SAP25: variants seen among roughly 807,000 people sequenced by gnomAD.
SAP25 encodes the protein histone deacetylase complex subunit SAP25.
Under a neutral mutation model 31.5 loss-of-function variants are expected in SAP25, and 24 were observed. The ratio of observed to expected loss-of-function variants is 0.76; its 90% confidence interval spans 0.55 to 1.07. The LOEUF (loss-of-function observed/expected upper bound fraction) is 1.07. Among genes scored for constraint, SAP25 ranks in the 50% least tolerant of loss-of-function variants. The pLI is 0.00. For missense variants in SAP25, 377 were observed against 418.8 expected, an observed-to-expected ratio of 0.90 and a Z score of 0.87; for synonymous variants, 180 against 186.0, an observed-to-expected ratio of 0.97 and a Z score of 0.26.
Position 100,573,895 on chromosome 7 carries a change from C to T in SAP25, c.-153G>A. On this transcript the variant is annotated 5_prime_UTR_variant, in exon 1 of 6. Coordinates refer to ENST00000622764, the MANE Select transcript of SAP25 (RefSeq NM_001348680.2). ...CGCTGGCGCCCTGTGCGTCTCCCGG[C>T]CACGTGGCGCGTGCCCCCGCCGGGC... The T allele has an allele frequency of 1.8e-6, 1 of 555,936 alleles. No individual in the cohort carries two copies. The highest frequency in any genetic ancestry group is 2.4e-6 in the Non-Finnish European group (1 of 414,382). 34.4% of individuals were successfully genotyped at this position (555,936 alleles called of 1,614,324 possible).
rs539485810 is a variant in SAP25, at chr7:100,573,228, G to A, written c.251-16C>T. 2.4e-5 allele frequency: 36 copies of A among 1,471,518 alleles called. No homozygotes were observed. The South Asian group carries it at 3.8e-4, about 15-fold the overall frequency. 91.2% of individuals were successfully genotyped at this position (1,471,518 alleles called of 1,614,324 possible). Reference sequence around the variant, plus strand: ...GAACGGGGATCTGGGGGGACGCTTGGGGATTATAACAGGCTCACAGTCAGT... The same window carrying A: ...GAACGGGGATCTGGGGGGACGCTTGAGGATTATAACAGGCTCACAGTCAGT... On this transcript the variant is annotated splice_polypyrimidine_tract_variant and intron_variant, in intron 2 of 5. Transcript: ENST00000622764.
Position 100,572,965 on chromosome 7 carries a change from G to T in SAP25, c.406C>A (p.His136Asn). The T allele has an allele frequency of 6.6e-7, 1 of 1,510,850 alleles. No individual in the cohort carries two copies. The highest frequency in any genetic ancestry group is 8.8e-7 in the Non-Finnish European group (1 of 1,132,996). 93.6% of individuals were successfully genotyped at this position (1,510,850 alleles called of 1,614,324 possible). A position where few individuals can be genotyped will look rare whatever the true frequency, so the allele number is the denominator to read the frequency against. ...TCATACAGCGGCCAGAATGAGGGGT[G>T]ACACAGCGTCCGGCCTGAGAACGAG... ...GASFSGRTLC[H>N]PSFWPLYEAA... The change falls in exon 4 of 6, where the codon CAC becomes AAC. Residue 136 changes from histidine to asparagine, a missense_variant. Coordinates refer to ENST00000622764, the MANE Select transcript of SAP25 (RefSeq NM_001348680.2). The surrounding 1 kb of genome is among the most constrained non-coding windows in gnomAD (Gnocchi z 4.1).
Position 100,573,875 on chromosome 7 carries a change from G to T in SAP25, c.-133C>A. 1.4e-6 allele frequency: 1 copy of T among 716,672 alleles called. No homozygotes were observed. Among genetic ancestry groups the T allele is most frequent in the Non-Finnish European group, 1.8e-6 (1 of 555,374 alleles). The allele number at this position is 716,672 out of a possible 1,614,324, so 44.4% of individuals were successfully genotyped here. A position where few individuals can be genotyped will look rare whatever the true frequency, so the allele number is the denominator to read the frequency against. Reference sequence around the variant, plus strand: ...CCCCAGAGGCCTCGCGGCGACGCTGGCGCCCTGTGCGTCTCCCGGCCACGT... The same window carrying T: ...CCCCAGAGGCCTCGCGGCGACGCTGTCGCCCTGTGCGTCTCCCGGCCACGT... On this transcript the variant is annotated 5_prime_UTR_variant, in exon 1 of 6. Coordinates refer to ENST00000622764, the MANE Select transcript of SAP25 (RefSeq NM_001348680.2).
At chr7:100,573,481 G>A in intron 1 of SAP25, 81 bp from the exon 2 acceptor site, 6 of 1,219,244 alleles carry the variant, frequency 4.9e-6, no homozygotes, top group Non-Finnish European at 6.2e-6. Flanking sequence ...TGGTGCAAGG[G>A]AGACCGAGGG....
At chr7:100,573,049 CCACCG>C (rs1801192188) in intron 3 of SAP25, 36 bp from the exon 4 acceptor site, 1 of 1,504,500 alleles carries the variant, frequency 6.6e-7, no homozygotes, top group African/African-American at 1.4e-5. Context: ...GAGCCTCAGG[CCACCG>C]CACAGCTCCC....
At chr7:100,573,039 G>A (rs188928344) in intron 3 of SAP25, 26 bp from the exon 4 acceptor site, 2 of 1,497,394 alleles carry the variant, frequency 1.3e-6, no homozygotes, top group Non-Finnish European at 1.8e-6. Flanking sequence ...CAGAGCACTG[G>A]AGCCTCAGGC....
At position 100,572,244 on chromosome 7, in the gene SAP25, T is replaced by C; in HGVS notation, c.*43A>G. 1 of 1,252,544 alleles carries C rather than the reference T, an allele frequency of 8.0e-7. No homozygotes were observed. 77.6% of individuals were successfully genotyped at this position (1,252,544 alleles called of 1,614,324 possible). Reference sequence around the variant, plus strand: ...CGGAGCCTGTTTTGCAAACCAACACTGTTTTATTGTCAACACAACCAGCCC... The same window carrying C: ...CGGAGCCTGTTTTGCAAACCAACACCGTTTTATTGTCAACACAACCAGCCC... On this transcript the variant is annotated 3_prime_UTR_variant, in exon 6 of 6. Transcript: ENST00000622764. The surrounding 1 kb of genome is among the most constrained non-coding windows in gnomAD (Gnocchi z 4.1).
In SAP25 at chr7:100,572,365, GGGTGGGTCA is replaced by G. The variant is rs1801157248; in HGVS notation, c.807_815del (p.Asp270_Pro272del). ...AACTGCTGGGGCTACCACAGGGGCT[GGGTGGGTCA>G]GAGGTATGGTCTGGGGGGCCAACCG... is the stretch of plus-strand genomic sequence containing the variant. On this transcript the variant is annotated inframe_deletion, in exon 6 of 6. Coordinates refer to ENST00000622764, the MANE Select transcript of SAP25 (RefSeq NM_001348680.2). This position sits in a 1 kb window ranked among gnomAD's most constrained non-coding sequence, Gnocchi z 4.1. 3 of 1,385,390 alleles carry G rather than the reference GGGTGGGTCA, an allele frequency of 2.2e-6. No homozygotes were observed. Among genetic ancestry groups the G allele is most frequent in the Non-Finnish European group, 2.8e-6 (3 of 1,072,886 alleles). 85.8% of individuals were successfully genotyped at this position (1,385,390 alleles called of 1,614,324 possible). A position where few individuals can be genotyped will look rare whatever the true frequency, so the allele number is the denominator to read the frequency against.
intron 1 of SAP25, 29 bp downstream of exon 1, chr7:100,573,567 TC>T: frequency 8.1e-7 from 1 of 1,232,968 alleles, no homozygotes; most frequent in Non-Finnish European, 1.0e-6. Flanking sequence ...CCAGTCGCTG[TC>T]CCCCCACGGC....
chr7:100,572,470 G>A lies in SAP25; in HGVS notation c.711C>T (p.Ser237=). Residue 237 remains serine, a synonymous_variant, in exon 6 of 6, where the codon AGC becomes AGT. Transcript: ENST00000622764. The surrounding 1 kb of genome is among the most constrained non-coding windows in gnomAD (Gnocchi z 4.1). ...PSRGPSTAWL[S]GPELIALTGL... ...CAGTGAGAGCGATCAGCTCCGGCCCGCTGAGCCAGGCAGTGGAGGGGCCCC... is the reference window on the plus strand; with the variant it reads ...CAGTGAGAGCGATCAGCTCCGGCCCACTGAGCCAGGCAGTGGAGGGGCCCC... The A allele has an allele frequency of 4.9e-6, 7 of 1,427,796 alleles. No individual in the cohort carries two copies. Among genetic ancestry groups the A allele is most frequent in the Non-Finnish European group, 6.4e-6 (7 of 1,093,946 alleles). 88.4% of individuals were successfully genotyped at this position (1,427,796 alleles called of 1,614,324 possible). A position where few individuals can be genotyped will look rare whatever the true frequency, so the allele number is the denominator to read the frequency against.
chr7:100,573,259 G>T, intron 2 of SAP25, 38 bp downstream of exon 2: 1 of 1,431,552 alleles, frequency 7.0e-7, no homozygotes, highest in Non-Finnish European at 9.3e-7. Flanking sequence ...TCAGTGAGAG[G>T]CTCTTAGGGG....
rs557495218 is a variant in SAP25 at position 100,572,347 on chromosome 7, G to A, written c.834C>T (p.Pro278=). The part of the protein sequence containing the change: ...TSDPPSPCGS[P]SSSQGADLSL... The stretch of plus-strand genomic sequence containing the variant: ...AGAGGTCAGCACCCTGAGAACTGCT[G>A]GGGCTACCACAGGGGCTGGGTGGGT... Residue 278 remains proline (P), a synonymous_variant, in exon 6 of 6, where the codon CCC becomes CCT. Transcript: ENST00000622764. The surrounding 1 kb of genome is among the most constrained non-coding windows in gnomAD (Gnocchi z 4.1). 2.9e-6 allele frequency: 4 copies of A among 1,370,588 alleles called. No individual in the cohort carries two copies. Among genetic ancestry groups the A allele is most frequent in the East Asian group, 2.9e-5 (1 of 35,066 alleles). 84.9% of individuals were successfully genotyped at this position (1,370,588 alleles called of 1,614,324 possible).
rs1309348590 is a variant in SAP25 at position 100,572,922 on chromosome 7, C to A, written c.449G>T (p.Gly150Val). 1 of 1,489,320 alleles carries A rather than the reference C, an allele frequency of 6.7e-7. No homozygotes were observed. The highest frequency in any genetic ancestry group is 8.9e-7 in the Non-Finnish European group (1 of 1,123,170). The allele number at this position is 1,489,320 out of a possible 1,614,324, so 92.3% of individuals were successfully genotyped here. ...WPLYEAASGR[G>V]LRPVAPATGH... ...TGTGGCAGGGGCCACGGGCCTGAGA[C>A]CCCTGCCCGAGGCTGCTTCATACAG... The change falls in exon 4 of 6, where the codon GGT becomes GTT. Residue 150 changes from glycine (G) to valine (V), a missense_variant. Physicochemically the swap from Gly to Val is moderately radical, Grantham distance 109. Transcript: ENST00000622764. This position sits in a 1 kb window ranked among gnomAD's most constrained non-coding sequence, Gnocchi z 4.1.
In SAP25 at chr7:100,573,409, G is replaced by GGT; in HGVS notation, c.147-10_147-9insAC. On this transcript the variant is annotated splice_polypyrimidine_tract_variant and intron_variant, in intron 1 of 5. Transcript: ENST00000622764. ...GGGATGGGGGCTGTGGGCTGGAGGG[G>GGT]CAGGGACTGAGGCTGCAGCCACACC... 7.6e-7 allele frequency: 1 copy of GGT among 1,310,446 alleles called. No individual in the cohort carries two copies. Among genetic ancestry groups the GGT allele is most frequent in the Non-Finnish European group, 9.8e-7 (1 of 1,017,540 alleles). The allele number at this position is 1,310,446 out of a possible 1,614,324, so 81.2% of individuals were successfully genotyped here.
At position 100,572,880 on chromosome 7, in the gene SAP25, T is replaced by A. The variant is rs994051311; in HGVS notation, c.491A>T (p.Gln164Leu). 6 of 1,463,328 alleles carry A rather than the reference T, an allele frequency of 4.1e-6. No individual in the cohort carries two copies. In the African/African-American group the frequency reaches 8.6e-5, roughly 21 times the overall value. The allele number at this position is 1,463,328 out of a possible 1,614,324, so 90.6% of individuals were successfully genotyped here. Residue 164 changes from glutamine to leucine, a missense_variant, in exon 4 of 6, where the codon CAG becomes CTG. Physicochemically the swap from Gln to Leu is moderately radical, Grantham distance 113. Coordinates refer to ENST00000622764, the MANE Select transcript of SAP25 (RefSeq NM_001348680.2). This position sits in a 1 kb window ranked among gnomAD's most constrained non-coding sequence, Gnocchi z 4.1. Reference protein sequence around the residue: ...VAPATGHWNGQQAPPDAGFPV... With the variant: ...VAPATGHWNGLQAPPDAGFPV... ...GGTACCTGCATCTGGGGGCGCCTGC[T>A]GTCCATTCCAGTGCCCTGTGGCAGG...
In SAP25 at chr7:100,573,690, T is replaced by C; in HGVS notation, c.53A>G (p.Glu18Gly). 8.1e-7 allele frequency: 1 copy of C among 1,229,712 alleles called. No individual in the cohort carries two copies. The highest frequency in any genetic ancestry group is 1.0e-6 in the Non-Finnish European group (1 of 986,686). The allele number at this position is 1,229,712 out of a possible 1,614,324, so 76.2% of individuals were successfully genotyped here. ...CTTGCCCGCCGGAAGGCCTGGTCCC[T>C]CGGGCGCCTCCTCCGGGCCCGCGCC... The part of the protein sequence containing the change: ...RWGAGPEEAP[E>G]GPGLPAGKDQ... Residue 18 changes from glutamate (E) to glycine (G), a missense_variant, in exon 1 of 6, where the codon GAG (glutamate) becomes GGG (glycine). By Grantham distance (98) the Glu-to-Gly change is moderately conservative. Coordinates refer to ENST00000622764, the MANE Select transcript of SAP25 (RefSeq NM_001348680.2).
rs1161995500 is a variant in SAP25 at position 100,572,403 on chromosome 7, A to T, written c.778T>A (p.Ser260Thr). 5 of 1,400,876 alleles carry T rather than the reference A, an allele frequency of 3.6e-6. No individual in the cohort carries two copies. The South Asian group carries it at 6.4e-5, about 18-fold the overall frequency. 86.8% of individuals were successfully genotyped at this position (1,400,876 alleles called of 1,614,324 possible). The change falls in exon 6 of 6, where the codon TCC (serine) becomes ACC (threonine). Residue 260 changes from serine to threonine, a missense_variant. Transcript: ENST00000622764. This position sits in a 1 kb window ranked among gnomAD's most constrained non-coding sequence, Gnocchi z 4.1. ...MSQGEPRPSS[S>T]AVGPPDHTSD... ...GTATGGTCTGGGGGGCCAACCGCGG[A>T]GGAGCTGGGCCTAGGCTCCCCCTGG...
At chr7:100,573,477 A>C (rs1478982369) in intron 1 of SAP25, 77 bp from the exon 2 acceptor site, 46 of 1,217,880 alleles carry the variant, frequency 3.8e-5, no homozygotes, top group Middle Eastern at 3.1e-4. Flanking sequence ...TGCCTGGTGC[A>C]AGGGAGACCG....
chr7:100,572,588 G>C lies in SAP25; in HGVS notation c.610-17C>G, dbSNP rs1451289963. ...GCCCATCATCTGAGGAGAGAGAATGGAATGTGTTTCCTGCCAGGCAAGCCT... is the reference window on the plus strand; with the variant it reads ...GCCCATCATCTGAGGAGAGAGAATGCAATGTGTTTCCTGCCAGGCAAGCCT... On this transcript the variant is annotated splice_polypyrimidine_tract_variant and intron_variant, in intron 5 of 5. Coordinates refer to ENST00000622764, the MANE Select transcript of SAP25 (RefSeq NM_001348680.2). This position sits in a 1 kb window ranked among gnomAD's most constrained non-coding sequence, Gnocchi z 4.1. The C allele has an allele frequency of 2.0e-6, 3 of 1,484,434 alleles. No homozygotes were observed. In the African/African-American group the frequency reaches 4.3e-5, roughly 21 times the overall value. The allele number at this position is 1,484,434 out of a possible 1,614,324, so 92.0% of individuals were successfully genotyped here. A position where few individuals can be genotyped will look rare whatever the true frequency, so the allele number is the denominator to read the frequency against.
Sources: gnomAD v4.1 joint callset for allele counts on GRCh38, gnomAD v4.1.1 for gene constraint, Gnocchi (gnomAD v3.1) non-coding constraint, MANE v1.5 for transcripts, NCBI Gene and HGNC (gene_info 2026-07-23, HGNC 2026-07-21) for gene names.